Variants in SNX31 observed in about 807,000 individuals in gnomAD.
SNX31 encodes the protein sorting nexin-31.
SNX31 carries 58 observed loss-of-function variants against 65.4 expected under a neutral mutation model. The ratio of observed to expected loss-of-function variants is 0.89; its 90% CI spans 0.72 to 1.10. The LOEUF (loss-of-function observed/expected upper bound fraction) is 1.10. Among genes scored for constraint, SNX31 ranks in the 50% least tolerant of loss-of-function variants. The pLI is 0.00. For missense variants in SNX31, 523 were observed against 529.7 expected, an observed-to-expected ratio of 0.99 and a Z score of 0.12; for synonymous variants, 181 against 190.1, an observed-to-expected ratio of 0.95 and a Z score of 0.39.
At chr8:100,646,185 C>A (rs539388163) in intron 2 of SNX31, among the ~76,000 whole-genome samples, 1 of 152,006 alleles carries the variant, frequency 6.6e-6, no homozygotes, top group African/African-American at 2.4e-5. Context: ...CTAACATGCG[C>A]GGGAGTCTTA....
At chr8:100,627,265 T>A (rs537005856) in intron 4 of SNX31, among the ~76,000 whole-genome samples, 32 of 152,236 alleles carry the variant, frequency 2.1e-4, no homozygotes, top group Admixed American at 5.9e-4. Context: ...GGCAATAGAA[T>A]CACTTGAAAC....
intron 7 of SNX31, among the ~76,000 whole-genome samples, chr8:100,611,469 C>G (rs1032546173): frequency 6.6e-6 from 1 of 152,150 alleles, no homozygotes; most frequent in Admixed American, 6.5e-5. Context: ...GAGTATTTAC[C>G]TGAGACTACT....
rs57664831 is a variant in SNX31, at chr8:100,581,337, CTA to C, written c.1170+2772_1170+2773del. ...TATATATCTATATCTATCTATCTAT[CTA>C]TATATATATATATATATAATTTAAG... On this transcript the variant is annotated intron_variant, in intron 12 of 13. Transcript: ENST00000311812. Among the ~76,000 whole-genome samples the C allele has an allele frequency of 1.4e-3, 173 of 125,410 alleles. 1 individual carries two copies. The South Asian group carries it at 0.024, about 17-fold the overall frequency. 82.3% of individuals were successfully genotyped at this position (125,410 alleles called of 152,430 possible).
intron 8 of SNX31, among the ~76,000 whole-genome samples, chr8:100,608,124 C>G (rs1279783947): frequency 6.6e-6 from 1 of 152,234 alleles, no homozygotes; most frequent in Non-Finnish European, 1.5e-5. Flanking sequence ...TTTTCTCTCT[C>G]TAAACTCCTC....
chr8:100,662,513 C>G (rs1467154538), intron 1 of SNX31, among the ~76,000 whole-genome samples: 1 of 152,100 alleles, frequency 6.6e-6, no homozygotes, highest in Non-Finnish European at 1.5e-5. Context: ...GCCTGGCCAA[C>G]GTGGTGAAAA....
At chr8:100,636,470 C>T (rs7823425) in intron 2 of SNX31, among the ~76,000 whole-genome samples, 44,032 of 152,088 alleles carry the variant, frequency 0.29, 7,610 homozygotes, top group African/African-American at 0.48. Context: ...TGTGAATGAG[C>T]ACTTGAACGT....
At chr8:100,616,945 C>G (rs1006565755) in intron 5 of SNX31, among the ~76,000 whole-genome samples, 1 of 152,152 alleles carries the variant, frequency 6.6e-6, no homozygotes, top group Non-Finnish European at 1.5e-5. Flanking sequence ...AGAGCTAAAA[C>G]CTTCCAGAGG....
chr8:100,608,718 CT>C (rs1405713201), intron 7 of SNX31, among the ~76,000 whole-genome samples, 155 bp from the exon 8 acceptor site: 1 of 152,218 alleles, frequency 6.6e-6, no homozygotes, highest in African/African-American at 2.4e-5. Flanking sequence ...CACTCTGCCC[CT>C]CCACCTCTTT....
chr8:100,656,166 A>C (rs1301107887), intron 1 of SNX31, among the ~76,000 whole-genome samples: 1 of 152,202 alleles, frequency 6.6e-6, no homozygotes, highest in Admixed American at 6.5e-5. Flanking sequence ...CTGTCAACAG[A>C]AGACAGAGGC....
chr8:100,602,791 C>T (rs1194658357), intron 8 of SNX31, among the ~76,000 whole-genome samples: 2 of 152,202 alleles, frequency 1.3e-5, no homozygotes, highest in South Asian at 4.1e-4. Context: ...GCCAGCAAGA[C>T]ATTTCATCAT....
In SNX31 at chr8:100,600,391, C is replaced by A; in HGVS notation, c.732G>T (p.Arg244Ser). 1 of 1,613,778 alleles carries A rather than the reference C, an allele frequency of 6.2e-7. No individual in the cohort carries two copies. Among genetic ancestry groups the A allele is most frequent in the Non-Finnish European group, 8.5e-7 (1 of 1,179,802 alleles). Residue 244 changes from arginine to serine, a missense_variant, in exon 9 of 14, where the codon AGG becomes AGT. Transcript: ENST00000311812. ...KGWAKPTQAQ[R>S]QKLEAFQKED... Reference sequence around the variant, plus strand: ...CTTTCTGGAAAGCTTCTAATTTCTGCCTCTGTGCCTGTGTGGGTTTGGCCC... The same window carrying A: ...CTTTCTGGAAAGCTTCTAATTTCTGACTCTGTGCCTGTGTGGGTTTGGCCC...
rs1812770574 is a variant in SNX31, at chr8:100,573,090, A to G, written c.*775T>C. On this transcript the variant is annotated 3_prime_UTR_variant, in exon 14 of 14. Transcript: ENST00000311812. ...GGAAAAACCTTGTGAGAAAGTATAC[A>G]TATTTTTAAAGCTAAGAGAATTATA... 6.6e-6 allele frequency: 1 copy of G among 152,590 alleles called. No homozygotes were observed. The highest frequency in any genetic ancestry group is 1.5e-5 in the Non-Finnish European group (1 of 68,024). 9.5% of individuals were successfully genotyped at this position (152,590 alleles called of 1,614,324 possible).
At chr8:100,584,914 G>C (rs1218874789) in intron 11 of SNX31, among the ~76,000 whole-genome samples, 1 of 151,700 alleles carries the variant, frequency 6.6e-6, no homozygotes, top group African/African-American at 2.4e-5. Flanking sequence ...TAGTAGAGAC[G>C]GGGTTTCACC....
chr8:100,647,866 C>T (rs1264034192), intron 2 of SNX31, among the ~76,000 whole-genome samples: 1 of 152,180 alleles, frequency 6.6e-6, no homozygotes, highest in Non-Finnish European at 1.5e-5. Context: ...CTTTGAGATC[C>T]CTGCCTCTGC....
At chr8:100,643,208 A>C (rs1819389566) in intron 2 of SNX31, among the ~76,000 whole-genome samples, 1 of 57,442 alleles carries the variant, frequency 1.7e-5, no homozygotes, top group Non-Finnish European at 3.3e-5. Flanking sequence ...AACAAAACAA[A>C]ACAGAAACAA....
At chr8:100,615,647 C>G (rs1420271739) in intron 5 of SNX31, among the ~76,000 whole-genome samples, 1 of 152,192 alleles carries the variant, frequency 6.6e-6, no homozygotes, top group Non-Finnish European at 1.5e-5. Context: ...GCCCGCTGTT[C>G]CCAGGCTACA....
At chr8:100,616,090 T>C (rs1226800747) in intron 5 of SNX31, among the ~76,000 whole-genome samples, 2 of 152,114 alleles carry the variant, frequency 1.3e-5, no homozygotes, top group Non-Finnish European at 2.9e-5. Flanking sequence ...TATCTAGACA[T>C]AGAGAAAGTA....
At chr8:100,581,373 A>G (rs185457998) in intron 12 of SNX31, among the ~76,000 whole-genome samples, 2 of 148,662 alleles carry the variant, frequency 1.3e-5, no homozygotes, top group East Asian at 1.9e-4. Flanking sequence ...AGAACTTAAT[A>G]TATTTTTGTT....
intron 8 of SNX31, among the ~76,000 whole-genome samples, chr8:100,601,688 T>C (rs531552423): frequency 1.3e-5 from 2 of 152,316 alleles, no homozygotes; most frequent in African/African-American, 4.8e-5. Flanking sequence ...AGGGTAACCA[T>C]CATCAGCAAG....
Sources: allele counts gnomAD v4.1 joint callset (sites outside exome capture counted in the v4.1 genomes callset), GRCh38; gene constraint gnomAD v4.1.1; transcripts MANE v1.5; gene names NCBI Gene and HGNC (gene_info 2026-07-23, HGNC 2026-07-21).